The following GRHL2 variants were observed in gnomAD, a reference collection of about 807,000 sequenced individuals.
The protein encoded by GRHL2 is grainyhead-like protein 2 homolog.
Under a neutral mutation model 83.8 loss-of-function variants are expected in GRHL2, and 21 were observed. The ratio of observed to expected loss-of-function variants is 0.25; its 90% confidence interval spans 0.18 to 0.36. The LOEUF (loss-of-function observed/expected upper bound fraction) is 0.36, where lower values mean the gene tolerates loss of function less well. GRHL2 is among the 10% of genes least tolerant of loss of function. The pLI, the probability that GRHL2 is intolerant of heterozygous loss-of-function variation, is 1.00. For missense variants in GRHL2, 623 were observed against 781.8 expected (o/e 0.80, Z 2.42); for synonymous variants, 280 against 278.9 (o/e 1.00, Z -0.04).
intron 11 of GRHL2, among the ~76,000 whole-genome samples, chr8:101,635,708 G>GA (rs1027114049): frequency 1.3e-5 from 2 of 151,992 alleles, no homozygotes; most frequent in African/African-American, 4.8e-5. Flanking sequence ...GTTGTGGGGA[G>GA]AAAAAACTTA....
intron 9 of GRHL2, among the ~76,000 whole-genome samples, chr8:101,630,383 T>C (rs1484628931): frequency 6.6e-6 from 1 of 152,220 alleles, no homozygotes. Context: ...CATTTTTCTA[T>C]CAGTATGTTA....
chr8:101,498,275 C>T (rs60695144), intron 1 of GRHL2, among the ~76,000 whole-genome samples: 27,012 of 151,914 alleles, frequency 0.18, 3,933 homozygotes, highest in African/African-American at 0.4. Flanking sequence ...TGTGCTGCCA[C>T]GCTCGGCTGA....
At chr8:101,628,208 G>A (rs957933125) in intron 9 of GRHL2, among the ~76,000 whole-genome samples, 1 of 152,086 alleles carries the variant, frequency 6.6e-6, no homozygotes, top group Admixed American at 6.6e-5. Context: ...TCAAAGGAGA[G>A]GCTGACTTTC....
At chr8:101,627,160 G>A (rs759559408) in intron 9 of GRHL2, among the ~76,000 whole-genome samples, 10 of 151,986 alleles carry the variant, frequency 6.6e-5, no homozygotes, top group South Asian at 4.1e-4. Context: ...GGCTTACCTC[G>A]TTTTATTGTG....
chr8:101,676,722 A>G, the GRHL2 span, among the ~76,000 whole-genome samples: 1 of 152,224 alleles, frequency 6.6e-6, no homozygotes, highest in Non-Finnish European at 1.5e-5. Flanking sequence ...TATATACCCA[A>G]AGGATTATAA....
At chr8:101,638,119 C>T (rs1359049719) in intron 12 of GRHL2, among the ~76,000 whole-genome samples, 2 of 152,168 alleles carry the variant, frequency 1.3e-5, no homozygotes, top group African/African-American at 2.4e-5. Context: ...TTCTTGGTTG[C>T]GTTACCTGTG....
chr8:101,617,612 C>A (rs1040909689), intron 8 of GRHL2, among the ~76,000 whole-genome samples: 1 of 152,200 alleles, frequency 6.6e-6, no homozygotes, highest in Admixed American at 6.5e-5. Context: ...TCAAGCAATC[C>A]TCCCATCTCA....
chr8:101,501,697 A>G (rs1479508174), intron 1 of GRHL2, among the ~76,000 whole-genome samples: 4 of 152,142 alleles, frequency 2.6e-5, no homozygotes, highest in African/African-American at 9.7e-5. Context: ...AGAGCTAGAA[A>G]GAGCCTTAGG....
At position 101,529,316 on chromosome 8, in the gene GRHL2, C is replaced by T. The variant is rs190177440; in HGVS notation, c.21-13925C>T. ...GGCATGGTGGCATGTGCTTGTAGTCCCAGCTACTCGGGAGACTGAGGCAGG... is the reference window on the plus strand; with the variant it reads ...GGCATGGTGGCATGTGCTTGTAGTCTCAGCTACTCGGGAGACTGAGGCAGG... On this transcript the variant is annotated intron_variant, in intron 1 of 15. Coordinates refer to ENST00000646743, the MANE Select transcript of GRHL2 (RefSeq NM_024915.4). The T allele has an allele frequency of 5.2e-5, 10 of 192,764 alleles. No homozygotes were observed. In the South Asian group the frequency reaches 8.3e-4, roughly 16 times the overall value. 11.9% of individuals were successfully genotyped at this position (192,764 alleles called of 1,614,324 possible). A position where few individuals can be genotyped will look rare whatever the true frequency, so the allele number is the denominator to read the frequency against.
chr8:101,652,492 TGTGTG>T (rs1327716938), intron 14 of GRHL2, among the ~76,000 whole-genome samples: 7 of 82,178 alleles, frequency 8.5e-5, no homozygotes, highest in South Asian at 8.1e-4. Context: ...TGTGTGTATG[TGTGTG>T]GTGTGTGTGT....
intron 14 of GRHL2, 51 bp from the exon 15 acceptor site, chr8:101,664,403 C>A: frequency 7.3e-7 from 1 of 1,367,372 alleles, no homozygotes; most frequent in Non-Finnish European, 1.0e-6. Flanking sequence ...CCCTTGCCTC[C>A]AGTTGGGCGT....
chr8:101,558,224 G>T (rs1034869209), intron 3 of GRHL2, among the ~76,000 whole-genome samples, 195 bp from the exon 4 acceptor site: 2 of 152,108 alleles, frequency 1.3e-5, no homozygotes, highest in Non-Finnish European at 2.9e-5. Flanking sequence ...GATACCAGGG[G>T]GCGCATGGCT....
At chr8:101,660,325 A>G (rs78184061) in intron 14 of GRHL2, among the ~76,000 whole-genome samples, 3,947 of 152,236 alleles carry the variant, frequency 0.026, 144 homozygotes, top group African/African-American at 0.076. Flanking sequence ...TCTTAACCTC[A>G]TCAACCTTAA....
At chr8:101,666,285 T>TAATC (rs1233099847) in intron 15 of GRHL2, among the ~76,000 whole-genome samples, 3 of 152,350 alleles carry the variant, frequency 2.0e-5, no homozygotes, top group Non-Finnish European at 4.4e-5. Context: ...CTGGCCCTGG[T>TAATC]AATCAGTAAC....
chr8:101,578,351 C>T (rs1265862653), intron 7 of GRHL2, among the ~76,000 whole-genome samples: 1 of 152,144 alleles, frequency 6.6e-6, no homozygotes, highest in Non-Finnish European at 1.5e-5. Flanking sequence ...GAGACATTCT[C>T]AGTGCCAAGA....
chr8:101,558,361 C>T (rs987950340), intron 3 of GRHL2, 58 bp from the exon 4 acceptor site: 1 of 1,585,748 alleles, frequency 6.3e-7, no homozygotes. Context: ...TTCTATTAGG[C>T]GTTGCCGAAT....
At chr8:101,674,617 T>G (rs1462476012), downstream of GRHL2, among the ~76,000 whole-genome samples, 1 of 152,168 alleles carries the variant, frequency 6.6e-6, no homozygotes, top group African/African-American at 2.4e-5. Context: ...ATAGCCGAAT[T>G]CTACCAGAGG....
intron 8 of GRHL2, among the ~76,000 whole-genome samples, chr8:101,602,131 A>G (rs1812528973): frequency 1.3e-5 from 2 of 152,362 alleles, no homozygotes; most frequent in East Asian, 3.9e-4. Context: ...AGAAATCATA[A>G]AAGTTAAATC....
intron 1 of GRHL2, among the ~76,000 whole-genome samples, chr8:101,526,861 G>A (rs983467307): frequency 1.3e-5 from 2 of 152,170 alleles, no homozygotes; most frequent in African/African-American, 2.4e-5. Flanking sequence ...GGTACCCAAA[G>A]TGTGAGGTTA....
Sources: gnomAD v4.1 joint callset for allele counts (sites outside exome capture counted in the v4.1 genomes callset) on GRCh38, gnomAD v4.1.1 for gene constraint, MANE v1.5 for transcripts, NCBI Gene and HGNC (gene_info 2026-07-23, HGNC 2026-07-21) for gene names.